Variants in TDRD9 observed in about 807,000 individuals in gnomAD.
The protein encoded by TDRD9 is ATP-dependent RNA helicase TDRD9.
Under a neutral mutation model 172.6 loss-of-function variants are expected in TDRD9, and 124 were observed. That is an observed-to-expected ratio of 0.72 (90% CI 0.62 to 0.83). The LOEUF is 0.83. TDRD9 is among the 40% of genes least tolerant of loss of function. TDRD9 has a pLI of 0.00. For missense variants in TDRD9, 1,479 were observed against 1,714.1 expected, an observed-to-expected ratio of 0.86 and a Z score of 2.42; for synonymous variants, 619 against 617.1, an observed-to-expected ratio of 1.00 and a Z score of -0.05.
intron 1 of TDRD9, among the ~76,000 whole-genome samples, chr14:103,953,050 G>T (rs1458475383): frequency 3.3e-4 from 50 of 152,084 alleles, no homozygotes; most frequent in Admixed American, 3.3e-3. Flanking sequence ...AGGAATTAAA[G>T]TTTTGCTGCA....
At chr14:103,943,542 G>T (rs1222459613) in intron 1 of TDRD9, among the ~76,000 whole-genome samples, 2 of 132,004 alleles carry the variant, frequency 1.5e-5, no homozygotes, top group Non-Finnish European at 3.2e-5. Context: ...GTAGAAATAA[G>T]GTCTCCCTGT....
At chr14:103,989,697 G>C (rs1045814778) in intron 8 of TDRD9, among the ~76,000 whole-genome samples, 6 of 152,230 alleles carry the variant, frequency 3.9e-5, no homozygotes, top group Non-Finnish European at 7.3e-5. Flanking sequence ...GGCCCTTGCT[G>C]TTGTGTGGTT....
chr14:103,936,493 ATC>A (rs2030772540), intron 1 of TDRD9, among the ~76,000 whole-genome samples: 1 of 152,100 alleles, frequency 6.6e-6, no homozygotes. Flanking sequence ...TGAATCATAA[ATC>A]TCTGTCTTAC....
chr14:103,943,807 G>A (rs1053792804), intron 1 of TDRD9, among the ~76,000 whole-genome samples: 1 of 152,188 alleles, frequency 6.6e-6, no homozygotes, highest in Non-Finnish European at 1.5e-5. Context: ...GCCATGAAGA[G>A]TAGACGTTGT....
chr14:103,953,785 G>C (rs1439261151), intron 1 of TDRD9, among the ~76,000 whole-genome samples: 1 of 152,116 alleles, frequency 6.6e-6, no homozygotes, highest in Non-Finnish European at 1.5e-5. Context: ...GGATGTCCCA[G>C]TTCAAAAAGA....
rs774321154 is a variant in TDRD9, at chr14:103,995,749, G to T, written c.1321-1G>T. The T allele has an allele frequency of 6.2e-7, 1 of 1,602,872 alleles. No individual in the cohort carries two copies. Among genetic ancestry groups the T allele is most frequent in the South Asian group, 1.1e-5 (1 of 88,470 alleles). The stretch of plus-strand genomic sequence containing the variant: ...CAGCTTTTTTCTTTGATGTTTAACA[G>T]ATTATTCTGTCCACCAATATTGCAG... On this transcript the variant is annotated splice_acceptor_variant, in intron 11 of 35. Transcript: ENST00000409874. LOFTEE classifies it high-confidence loss of function.
intron 2 of TDRD9, among the ~76,000 whole-genome samples, chr14:103,958,278 T>C (rs926521844): frequency 1.3e-5 from 2 of 152,180 alleles, no homozygotes; most frequent in African/African-American, 4.8e-5. Flanking sequence ...TGAGTGGACC[T>C]TACTGAGGCA....
At position 104,048,443 on chromosome 14, in the gene TDRD9, G is replaced by A. The variant is rs140304920; in HGVS notation, c.3975-1165G>A. On this transcript the variant is annotated intron_variant, in intron 34 of 35. Transcript: ENST00000409874. ...TATTCTTATTTTTATTTTTTAGCCT[G>A]GCTTCCTAGGTGTTGTCCTTGTATC... Among the ~76,000 whole-genome samples the A allele has an allele frequency of 5.4e-3, 821 of 152,130 alleles. 9 individuals are homozygous for A. Among genetic ancestry groups the A allele is most frequent in the Non-Finnish European group, 7.0e-3 (477 of 67,990 alleles).
rs1361416518 is a variant in TDRD9, at chr14:103,928,596, G to T, written c.87G>T (p.Pro29=). 2.2e-6 allele frequency: 3 copies of T among 1,348,130 alleles called. No homozygotes were observed. Among genetic ancestry groups the T allele is most frequent in the Non-Finnish European group, 2.9e-6 (3 of 1,031,556 alleles). 83.5% of individuals were successfully genotyped at this position (1,348,130 alleles called of 1,614,324 possible). Residue 29 remains proline, a synonymous_variant, in exon 1 of 36, where the codon CCG becomes CCT. Transcript: ENST00000409874. ...CCAATGTGGAGCTGCTGGGCGCGCC[G>T]CCCGCCTTCCCGGCAGGGGCGGCCA... The part of the protein sequence containing the change: ...TVTNVELLGA[P]PAFPAGAARE...
At chr14:103,939,475 A>T (rs2031033923) in intron 1 of TDRD9, among the ~76,000 whole-genome samples, 1 of 152,118 alleles carries the variant, frequency 6.6e-6, no homozygotes, top group South Asian at 2.1e-4. Flanking sequence ...TGAAGAAGCC[A>T]AAGGTAGTAT....
At chr14:103,978,343 G>A (rs1011647635) in intron 7 of TDRD9, among the ~76,000 whole-genome samples, 9 of 152,248 alleles carry the variant, frequency 5.9e-5, no homozygotes, top group Admixed American at 4.6e-4. Context: ...CACTTTGGGA[G>A]GCCAAGGTGG....
intron 1 of TDRD9, among the ~76,000 whole-genome samples, chr14:103,943,992 A>AT (rs1490638778): frequency 6.6e-6 from 1 of 152,220 alleles, no homozygotes; most frequent in Non-Finnish European, 1.5e-5. Flanking sequence ...AAAGTTTATG[A>AT]TGACAGAAGT....
chr14:103,950,172 C>T (rs566972349), intron 1 of TDRD9, among the ~76,000 whole-genome samples: 11 of 144,944 alleles, frequency 7.6e-5, no homozygotes, highest in African/African-American at 2.8e-4. Flanking sequence ...TCACCGCAAC[C>T]TCCGCCTCCC....
At chr14:104,009,062 C>T (rs1247510926) in intron 20 of TDRD9, among the ~76,000 whole-genome samples, 1 of 152,156 alleles carries the variant, frequency 6.6e-6, no homozygotes, top group Non-Finnish European at 1.5e-5. Flanking sequence ...TTACACAGAC[C>T]TAGATGGTAT....
intron 22 of TDRD9, among the ~76,000 whole-genome samples, chr14:104,017,774 GT>G (rs2034836816): frequency 6.6e-6 from 1 of 152,192 alleles, no homozygotes; most frequent in South Asian, 2.1e-4. Flanking sequence ...GTAGAAATAT[GT>G]TTTGAAAAGA....
chr14:104,025,847 CTT>C, intron 26 of TDRD9, 71 bp downstream of exon 26: 3 of 1,284,428 alleles, frequency 2.3e-6, no homozygotes, highest in Non-Finnish European at 2.2e-6. Flanking sequence ...TATCAAATAT[CTT>C]TTATAATTGT....
At chr14:103,973,126 G>A (rs1266388024) in intron 6 of TDRD9, among the ~76,000 whole-genome samples, 1 of 152,190 alleles carries the variant, frequency 6.6e-6, no homozygotes, top group African/African-American at 2.4e-5. Context: ...GTAAGATATG[G>A]TTGGTCAGTT....
chr14:103,937,546 C>G (rs1265166510), intron 1 of TDRD9, among the ~76,000 whole-genome samples: 1 of 152,198 alleles, frequency 6.6e-6, no homozygotes, highest in Non-Finnish European at 1.5e-5. Context: ...CTGCCTCCAT[C>G]CAGTCTTGTT....
Position 104,018,161 on chromosome 14 carries a change from C to A in TDRD9, c.2401C>A (p.Gln801Lys). ...QLQSLFRQCG[Q>K]VKSIVFDGAK... ...ACAGTCTCTCTTTAGACAGTGTGGT[C>A]AAGTCAAATCCATTGTATTTGATGG... is the stretch of plus-strand genomic sequence containing the variant. The change falls in exon 23 of 36, where the codon CAA (glutamine) becomes AAA (lysine). Residue 801 changes from glutamine to lysine, a missense_variant. This residue lies in a region of TDRD9 where 1,413 missense variants were observed against 1,649.1 expected (regional missense o/e 0.86). Coordinates refer to ENST00000409874, the MANE Select transcript of TDRD9 (RefSeq NM_153046.3). The A allele has an allele frequency of 6.2e-7, 1 of 1,604,776 alleles. No individual in the cohort carries two copies. Among genetic ancestry groups the A allele is most frequent in the South Asian group, 1.1e-5 (1 of 89,986 alleles).
Sources: gnomAD v4.1 joint callset for allele counts (sites outside exome capture counted in the v4.1 genomes callset) on GRCh38, gnomAD v4.1.1 for gene constraint, gnomAD v4.1.1 regional missense constraint, MANE v1.5 for transcripts, NCBI Gene and HGNC (gene_info 2026-07-23, HGNC 2026-07-21) for gene names.